The following AGBL4 variants were observed in gnomAD, a reference collection of about 807,000 sequenced individuals.
AGBL4 encodes the protein cytosolic carboxypeptidase 6.
A neutral mutation model predicts 66.4 loss-of-function variants in AGBL4; 58 were observed. The observed-to-expected ratio is 0.87, with a 90% CI of 0.71 to 1.09. AGBL4 has a LOEUF of 1.09. Among genes scored for constraint, AGBL4 ranks in the 50% least tolerant of loss-of-function variants. The pLI, the probability that AGBL4 is intolerant of heterozygous loss-of-function variation, is 0.00. For missense variants in AGBL4, 579 were observed against 631.0 expected (o/e 0.92, Z 0.88); for synonymous variants, 234 against 222.9 (o/e 1.05, Z -0.44).
At chr1:49,218,540 GC>G (rs1649252183) in intron 4 of AGBL4, among the ~76,000 whole-genome samples, 1 of 116,860 alleles carries the variant, frequency 8.6e-6, no homozygotes, top group Non-Finnish European at 2.2e-5. Flanking sequence ...GTTGGCTCTA[GC>G]AAAAGTCTTT....
intron 3 of AGBL4, among the ~76,000 whole-genome samples, chr1:49,666,368 C>T (rs180855866): frequency 4.6e-5 from 7 of 152,116 alleles, no homozygotes; most frequent in African/African-American, 1.7e-4. Flanking sequence ...TGTTGCGAGA[C>T]CAGCCTGGCC....
At chr1:49,797,114 ATTT>A (rs1476982229) in intron 2 of AGBL4, among the ~76,000 whole-genome samples, 1 of 152,154 alleles carries the variant, frequency 6.6e-6, no homozygotes, top group East Asian at 1.9e-4. Context: ...TCTCCAGCAA[ATTT>A]TTTATCAACT....
Position 49,809,465 on chromosome 1 carries a change from T to C in AGBL4, c.157+41931A>G, listed in dbSNP as rs1049662149. ...TAATAAAGAGTTGGTGGAACTATTA[T>C]AGCAGAACTATGAACTTACAGGTCT... is the stretch of plus-strand genomic sequence containing the variant. On this transcript the variant is annotated intron_variant, in intron 2 of 13. Coordinates refer to ENST00000371839, the MANE Select transcript of AGBL4 (RefSeq NM_032785.4). 5.3e-5 allele frequency among the ~76,000 whole-genome samples: 8 copies of C among 152,082 alleles called. 1 individual carries two copies. The highest frequency in any genetic ancestry group is 4.1e-4 in the South Asian group (2 of 4,830).
At chr1:50,006,068 G>A (rs544140069) in intron 1 of AGBL4, among the ~76,000 whole-genome samples, 1 of 152,280 alleles carries the variant, frequency 6.6e-6, no homozygotes, top group South Asian at 2.1e-4. Flanking sequence ...GGCCAGGTGC[G>A]GTGGCTCACG....
At chr1:48,635,828 G>T (rs1307334102) in intron 8 of AGBL4, among the ~76,000 whole-genome samples, 1 of 152,298 alleles carries the variant, frequency 6.6e-6, no homozygotes, top group East Asian at 1.9e-4. Context: ...TAAACAGAGG[G>T]GATCACTGAT....
chr1:49,933,353 A>C (rs1010472062), intron 1 of AGBL4, among the ~76,000 whole-genome samples: 1 of 152,160 alleles, frequency 6.6e-6, no homozygotes, highest in African/African-American at 2.4e-5. Flanking sequence ...GTTCCCAAAC[A>C]AAAGCTGAGG....
chr1:48,686,566 G>T (rs12080882), intron 6 of AGBL4, among the ~76,000 whole-genome samples: 5,326 of 152,252 alleles, frequency 0.035, 290 homozygotes, highest in African/African-American at 0.12. Context: ...AAGACAGGAG[G>T]AAGAAAAGAA....
intron 6 of AGBL4, among the ~76,000 whole-genome samples, chr1:48,751,538 T>A (rs1651729312): frequency 6.6e-6 from 1 of 152,214 alleles, no homozygotes; most frequent in Non-Finnish European, 1.5e-5. Context: ...GCTGAGGTTG[T>A]TTTATATATG....
intron 3 of AGBL4, among the ~76,000 whole-genome samples, chr1:49,450,085 G>T (rs150967635): frequency 1.3e-5 from 2 of 151,852 alleles, no homozygotes; most frequent in African/African-American, 4.8e-5. Flanking sequence ...TAATGCCTTT[G>T]GTTTCAATTT....
At chr1:48,696,182 G>T (rs1557885124) in intron 6 of AGBL4, among the ~76,000 whole-genome samples, 1 of 152,158 alleles carries the variant, frequency 6.6e-6, no homozygotes, top group Non-Finnish European at 1.5e-5. Flanking sequence ...TTAGCCAGCT[G>T]CCAGGTGCCC....
chr1:49,140,477 G>A (rs1223742860), intron 4 of AGBL4, among the ~76,000 whole-genome samples: 1 of 152,174 alleles, frequency 6.6e-6, no homozygotes, highest in Admixed American at 6.5e-5. Flanking sequence ...ATCTTTTTAA[G>A]ACAGTGTATT....
intron 1 of AGBL4, among the ~76,000 whole-genome samples, chr1:49,910,677 AAAAAG>A (rs1205237513): frequency 6.6e-6 from 1 of 151,966 alleles, no homozygotes; most frequent in Non-Finnish European, 1.5e-5. Context: ...AAGAAAAAGA[AAAAAG>A]AAAGAAAACC....
intron 1 of AGBL4, chr1:49,865,869 T>C (rs781040598): frequency 8.1e-4 from 268 of 332,180 alleles, no homozygotes; most frequent in Non-Finnish European, 1.2e-3. Context: ...TGACAAAACA[T>C]TACAGGAGCT....
chr1:50,002,391 A>G (rs1660824534), intron 1 of AGBL4, among the ~76,000 whole-genome samples: 2 of 93,538 alleles, frequency 2.1e-5, no homozygotes, highest in South Asian at 3.1e-4. Context: ...TTTTTTTGAG[A>G]CGGAGTCTCG....
At chr1:48,662,065 G>A (rs1646116071) in intron 7 of AGBL4, among the ~76,000 whole-genome samples, 1 of 152,214 alleles carries the variant, frequency 6.6e-6, no homozygotes, top group Admixed American at 6.5e-5. Context: ...CTGAAATAAA[G>A]AGGAAGGCAA....
rs532281180 is a variant in AGBL4 at position 48,891,266 on chromosome 1, A to G, written c.595-24036T>C. The stretch of plus-strand genomic sequence containing the variant: ...TGGATCAGGTCACAGGAGTCAGTAA[A>G]GGTCTAGGAATCAGGTCAAGACTTT... On this transcript the variant is annotated intron_variant, in intron 5 of 13. Transcript: ENST00000371839. Among the ~76,000 whole-genome samples, 265 of 151,662 alleles carry G rather than the reference A, an allele frequency of 1.7e-3. 1 individual carries two copies. Among genetic ancestry groups the G allele is most frequent in the African/African-American group, 6.0e-3 (249 of 41,300 alleles).
chr1:48,941,198 G>A (rs775029475), intron 5 of AGBL4, among the ~76,000 whole-genome samples: 1 of 152,196 alleles, frequency 6.6e-6, no homozygotes, highest in Non-Finnish European at 1.5e-5. Flanking sequence ...CTGAGCATAT[G>A]ACCCAGATTA....
chr1:49,850,077 C>T (rs186161406), intron 2 of AGBL4, among the ~76,000 whole-genome samples: 34 of 152,292 alleles, frequency 2.2e-4, no homozygotes, highest in Admixed American at 1.7e-3. Context: ...TACAATACTG[C>T]GTAATGACTG....
intron 1 of AGBL4, among the ~76,000 whole-genome samples, chr1:49,906,584 T>C (rs1395567563): frequency 1.3e-5 from 2 of 152,054 alleles, no homozygotes; most frequent in African/African-American, 4.8e-5. Flanking sequence ...AAATGCAAAA[T>C]TCCATACTTG....
Sources: allele counts gnomAD v4.1 joint callset (sites outside exome capture counted in the v4.1 genomes callset), GRCh38; gene constraint gnomAD v4.1.1; transcripts MANE v1.5; gene names NCBI Gene and HGNC (gene_info 2026-07-23, HGNC 2026-07-21).